Variants in F11 observed in about 807,000 individuals in gnomAD.
F11 encodes the protein coagulation factor XI.
A neutral mutation model predicts 76.5 loss-of-function variants in F11; 78 were observed. The observed-to-expected ratio is 1.02, with a 90% CI of 0.85 to 1.23. F11 has a LOEUF of 1.23. F11 is among the 50% of genes most tolerant of loss of function. F11 has a pLI of 0.00. For synonymous variants in F11, 278 were observed against 276.3 expected (o/e 1.01, Z -0.06); for missense variants, 742 against 771.4 (o/e 0.96, Z 0.45).
chr4:186,272,702 A>G (rs181526814), intron 3 of F11, among the ~76,000 whole-genome samples: 1 of 152,348 alleles, frequency 6.6e-6, no homozygotes, highest in East Asian at 1.9e-4. Context: ...ACCCACAGTA[A>G]AGCCAAGGAT....
Position 186,280,248 on chromosome 4 carries a change from T to C in F11, c.891T>C (p.His297=). ...IPVFCHSSFY[H]DTDFLGEELD... is the part of the protein sequence containing the mutation. The stretch of plus-strand genomic sequence containing the variant: ...TGTTCTGCCATTCTTCATTTTACCA[T>C]GACACTGATTTCTTGGGAGAAGAAC... The change falls in exon 9 of 15, where the codon CAT becomes CAC. Residue 297 remains histidine (H), a synonymous_variant. Coordinates refer to ENST00000403665, the MANE Select transcript of F11 (RefSeq NM_000128.4). The C allele has an allele frequency of 6.2e-7, 1 of 1,614,194 alleles. No individual in the cohort carries two copies.
chr4:186,282,531 A>G, intron 10 of F11: 7 of 985,426 alleles, frequency 7.1e-6, no homozygotes, highest in Non-Finnish European at 8.4e-6. Context: ...TTCTTACCAC[A>G]AAATATGATT....
intron 2 of F11, among the ~76,000 whole-genome samples, chr4:186,268,394 T>C (rs1739663738): frequency 6.6e-6 from 1 of 152,158 alleles, no homozygotes; most frequent in African/African-American, 2.4e-5. Flanking sequence ...CTCATAGATA[T>C]CAAGGAATGA....
chr4:186,278,790 G>T (rs538482262), intron 7 of F11, among the ~76,000 whole-genome samples: 1 of 152,172 alleles, frequency 6.6e-6, no homozygotes, highest in Non-Finnish European at 1.5e-5. Context: ...CTGTGTTTAG[G>T]TGTCACCAAT....
At chr4:186,273,735 C>G (rs1740156600) in intron 4 of F11, among the ~76,000 whole-genome samples, 2 of 152,120 alleles carry the variant, frequency 1.3e-5, no homozygotes, top group Non-Finnish European at 2.9e-5. Context: ...TTCCATGGTG[C>G]CCAGTCGAAA....
At chr4:186,272,441 A>G (rs939843815) in intron 3 of F11, among the ~76,000 whole-genome samples, 4 of 152,206 alleles carry the variant, frequency 2.6e-5, no homozygotes, top group African/African-American at 7.2e-5. Flanking sequence ...CACTCACTGC[A>G]TTGGGTGGTT....
Position 186,284,080 on chromosome 4 carries a change from C to T in F11, c.1136-12C>T. 1.9e-6 allele frequency: 3 copies of T among 1,614,212 alleles called. No homozygotes were observed. The highest frequency in any genetic ancestry group is 2.5e-6 in the Non-Finnish European group (3 of 1,180,048). Reference sequence around the variant, plus strand: ...ATGTAGGAAGCTGCTCATCACAATGCTTCTGTTGCAGAGTGTACCACCAAA... The same window carrying T: ...ATGTAGGAAGCTGCTCATCACAATGTTTCTGTTGCAGAGTGTACCACCAAA... On this transcript the variant is annotated splice_polypyrimidine_tract_variant and intron_variant, in intron 10 of 14. Transcript: ENST00000403665.
Position 186,280,289 on chromosome 4 carries a change from C to CA in F11, c.937dup (p.Ser313LysfsTer46). The CA allele has an allele frequency of 6.2e-7, 1 of 1,614,186 alleles. No homozygotes were observed. The highest frequency in any genetic ancestry group is 8.5e-7 in the Non-Finnish European group (1 of 1,180,032). ...GGAGAAGAACTGGATATTGTTGCTG[C>CA]AAAAAGTCACGAGGCCTGCCAGAAA... On this transcript the variant is annotated frameshift_variant, in exon 9 of 15. Coordinates refer to ENST00000403665, the MANE Select transcript of F11 (RefSeq NM_000128.4). LOFTEE classifies it high-confidence loss of function.
Position 186,283,475 on chromosome 4 carries a change from C to A in F11, c.1136-617C>A, listed in dbSNP as rs911734689. On this transcript the variant is annotated intron_variant, in intron 10 of 14. Transcript: ENST00000403665. ...ACCAAGGACCCCAGAGAATCCCAAA[C>A]TGTCAACAAGGCCAAAGGTCAGAGG... 3.3e-5 allele frequency among the ~76,000 whole-genome samples: 5 copies of A among 152,146 alleles called. No homozygotes were observed. The East Asian group carries it at 9.7e-4, about 29-fold the overall frequency.
intron 2 of F11, among the ~76,000 whole-genome samples, chr4:186,269,216 C>A (rs944159632): frequency 6.6e-5 from 10 of 151,828 alleles, no homozygotes; most frequent in African/African-American, 2.2e-4. Context: ...ATTTAACATT[C>A]AAAAATCAAT....
intron 3 of F11, among the ~76,000 whole-genome samples, chr4:186,272,328 TC>T (rs1740041173): frequency 6.6e-6 from 1 of 152,162 alleles, no homozygotes; most frequent in South Asian, 2.1e-4. Context: ...GCATGCACTA[TC>T]CTACACAAAA....
At chr4:186,266,562 A>G (rs1434576427) in intron 1 of F11, among the ~76,000 whole-genome samples, 1 of 152,238 alleles carries the variant, frequency 6.6e-6, no homozygotes, top group Non-Finnish European at 1.5e-5. Context: ...CTGAAAAATC[A>G]GAAGTCTTGA....
rs138207591 is a variant in F11 at position 186,287,536 on chromosome 4, A to T, written c.1577-148A>T. The T allele has an allele frequency of 0.15, 35,032 of 240,708 alleles. 3,057 individuals carry two copies. Among genetic ancestry groups the T allele is most frequent in the East Asian group, 0.43 (3,653 of 8,574 alleles). 14.9% of individuals were successfully genotyped at this position (240,708 alleles called of 1,614,324 possible). ...GAGGTGGAGGTAGCAGTGAGCTGAG[A>T]TTGCACCACTGCACTCCAGCCTGGG... On this transcript the variant is annotated intron_variant, in intron 13 of 14. Transcript: ENST00000403665.
intron 10 of F11, chr4:186,282,827 T>A: frequency 1.0e-6 from 1 of 985,366 alleles, no homozygotes; most frequent in Non-Finnish European, 1.2e-6. Context: ...TAGCTGCTGT[T>A]TCCTTCCGAA....
intron 10 of F11, chr4:186,282,795 T>C (rs1475518486): frequency 3.0e-6 from 3 of 985,300 alleles, no homozygotes; most frequent in Admixed American, 6.1e-5. Flanking sequence ...CACATCGTGC[T>C]CGTTCTCACC....
downstream of F11, among the ~76,000 whole-genome samples, chr4:186,290,232 T>G (rs1741477628): frequency 6.6e-6 from 1 of 152,126 alleles, no homozygotes; most frequent in Non-Finnish European, 1.5e-5. Flanking sequence ...GAATTTGTCC[T>G]GACAAAGGCA....
At chr4:186,285,056 G>GTA (rs1437382769) in intron 11 of F11, among the ~76,000 whole-genome samples, 1 of 152,150 alleles carries the variant, frequency 6.6e-6, no homozygotes, top group Admixed American at 6.5e-5. Flanking sequence ...CCAGCTGGGG[G>GTA]TATATATATT....
At chr4:186,275,529 GA>G (rs1740296707) in intron 5 of F11, among the ~76,000 whole-genome samples, 1 of 151,976 alleles carries the variant, frequency 6.6e-6, no homozygotes, top group Admixed American at 6.6e-5. Flanking sequence ...AAGGGCTTGA[GA>G]AGTCATTCAT....
intron 10 of F11, 146 bp downstream of exon 10, chr4:186,280,726 G>A: frequency 1.4e-6 from 1 of 723,960 alleles, no homozygotes; most frequent in South Asian, 1.6e-5. Flanking sequence ...TTTCACTCCT[G>A]TCACTCAAGC....
Sources: gnomAD v4.1 joint callset for allele counts (sites outside exome capture counted in the v4.1 genomes callset) on GRCh38, gnomAD v4.1.1 for gene constraint, MANE v1.5 for transcripts, NCBI Gene and HGNC (gene_info 2026-07-23, HGNC 2026-07-21) for gene names.